CHLSN: variants seen among roughly 807,000 people sequenced by gnomAD.
CHLSN encodes protein cholesin.
chr7:1,097,216 G>A, the CHLSN span, among the ~76,000 whole-genome samples: 13 of 152,278 alleles, frequency 8.5e-5, no homozygotes, highest in African/African-American at 2.6e-4. This position sits in a 1 kb window ranked among gnomAD's most constrained non-coding sequence, Gnocchi z 4.3. Flanking sequence ...GCCTGGCCCC[G>A]AACACTGCCA....
At chr7:1,055,651 T>G in the CHLSN span, among the ~76,000 whole-genome samples, 1 of 151,902 alleles carries the variant, frequency 6.6e-6, no homozygotes, top group Non-Finnish European at 1.5e-5. Flanking sequence ...AATGAAGGGG[T>G]GCCGAGACAG....
chr7:1,093,229 T>G, the CHLSN span: 1 of 489,736 alleles, frequency 2.0e-6, no homozygotes, highest in African/African-American at 2.0e-5. Context: ...GAGAGGCCAC[T>G]GTGGGTGAAG....
the CHLSN span, among the ~76,000 whole-genome samples, chr7:1,066,847 CT>C: frequency 6.6e-6 from 1 of 150,406 alleles, no homozygotes; most frequent in Non-Finnish European, 1.5e-5. Flanking sequence ...GGGGCACAGT[CT>C]GTTGGCGGAG....
At chr7:1,133,895 C>T in the CHLSN span, among the ~76,000 whole-genome samples, 3,698 of 152,168 alleles carry the variant, frequency 0.024, 51 homozygotes, top group Non-Finnish European at 0.029. Flanking sequence ...CAGCCTCGAC[C>T]ACCCAGGCTC....
At chr7:1,124,732 T>A in the CHLSN span, among the ~76,000 whole-genome samples, 16,170 of 149,590 alleles carry the variant, frequency 0.11, 1,591 homozygotes, top group African/African-American at 0.26. Flanking sequence ...ATAAAAAAAA[T>A]TTTAAAAAAG....
chr7:1,102,577 A>ACT, the CHLSN span, among the ~76,000 whole-genome samples: 1 of 149,172 alleles, frequency 6.7e-6, no homozygotes, highest in African/African-American at 2.5e-5. Context: ...TGTTTTTAAA[A>ACT]TTTTTTTTTT....
At chr7:1,019,127 G>A in the CHLSN span, among the ~76,000 whole-genome samples, 1 of 145,380 alleles carries the variant, frequency 6.9e-6, no homozygotes, top group South Asian at 2.2e-4. Context: ...GCGGGGGGCA[G>A]AGGTTGCAGT....
At chr7:1,020,119 C>T in the CHLSN span, among the ~76,000 whole-genome samples, 27 of 152,304 alleles carry the variant, frequency 1.8e-4, no homozygotes, top group East Asian at 4.8e-3. Context: ...TGCGGGAACA[C>T]GGGCACCAGG....
chr7:1,039,185 G>A, the CHLSN span, among the ~76,000 whole-genome samples: 2 of 30,856 alleles, frequency 6.5e-5, no homozygotes, highest in South Asian at 1.1e-3. Flanking sequence ...CGGGAGGGAG[G>A]TGGGGGTGTC....
the CHLSN span, among the ~76,000 whole-genome samples, chr7:1,013,821 T>A: frequency 1.3e-5 from 2 of 152,196 alleles, no homozygotes; most frequent in Non-Finnish European, 2.9e-5. Context: ...CATTTCAGAC[T>A]TGATGAAATA....
At chr7:1,117,151 C>T in the CHLSN span, among the ~76,000 whole-genome samples, 1 of 71,216 alleles carries the variant, frequency 1.4e-5, no homozygotes, top group Non-Finnish European at 2.5e-5. Flanking sequence ...CTCTACGGAC[C>T]GGCTTCCATC....
the CHLSN span, chr7:988,357 C>G: frequency 1.4e-5 from 23 of 1,612,576 alleles, no homozygotes; most frequent in Non-Finnish European, 1.9e-5. Context: ...TCAACCCCGG[C>G]CATTTCCTGG....
chr7:1,041,245 G>T, the CHLSN span, among the ~76,000 whole-genome samples: 49 of 150,420 alleles, frequency 3.3e-4, no homozygotes, highest in African/African-American at 1.1e-3. Flanking sequence ...CGGGGAAGGG[G>T]ACCTGGGCTC....
the CHLSN span, among the ~76,000 whole-genome samples, chr7:1,121,215 T>C: frequency 1.3e-5 from 2 of 151,720 alleles, no homozygotes; most frequent in South Asian, 2.1e-4. Context: ...GCCCTGTACA[T>C]GTATGAGTTC....
chr7:1,058,192 G>A, the CHLSN span: 2 of 744,316 alleles, frequency 2.7e-6, no homozygotes, highest in Non-Finnish European at 2.5e-6. Flanking sequence ...GACACGGGCC[G>A]GCTGGAGCCC....
chr7:1,057,821 C>T, the CHLSN span: 8 of 777,170 alleles, frequency 1.0e-5, no homozygotes, highest in African/African-American at 1.7e-5. Flanking sequence ...GCGAAGTCCA[C>T]GTGGCACTGC....
At chr7:1,029,841 C>T in the CHLSN span, among the ~76,000 whole-genome samples, 2 of 152,220 alleles carry the variant, frequency 1.3e-5, no homozygotes, top group African/African-American at 4.8e-5. Flanking sequence ...GTTTCACCAT[C>T]TCCAGGCCTG....
chr7:1,000,486 A>G, the CHLSN span: 38 of 1,606,424 alleles, frequency 2.4e-5, no homozygotes, highest in Admixed American at 6.7e-5. Context: ...ACTGTCATAC[A>G]TGTGCAGCAG....
the CHLSN span, among the ~76,000 whole-genome samples, chr7:1,006,165 G>A: frequency 6.6e-6 from 1 of 152,248 alleles, no homozygotes; most frequent in Non-Finnish European, 1.5e-5. Flanking sequence ...AAAGTGGAGG[G>A]ACTGCTTCCA....
Sources: allele counts gnomAD v4.1 joint callset (sites outside exome capture counted in the v4.1 genomes callset), GRCh38; gene constraint gnomAD v4.1.1; non-coding constraint Gnocchi (gnomAD v3.1); transcripts MANE v1.5; gene names NCBI Gene and HGNC (gene_info 2026-07-23, HGNC 2026-07-21).